Variants in SRPK2 observed in about 807,000 individuals in gnomAD.
The protein encoded by SRPK2 is SFRS protein kinase 2.
In SRPK2, 21 loss-of-function variants were observed where a neutral mutation model predicts 90.8. That is an observed-to-expected ratio of 0.23 (90% CI 0.16 to 0.33). The LOEUF (loss-of-function observed/expected upper bound fraction) is 0.33. Among genes scored for constraint, SRPK2 ranks in the 10% least tolerant of loss-of-function variants. The pLI, the probability that SRPK2 is intolerant of heterozygous loss-of-function variation, is 1.00. For synonymous variants in SRPK2, 288 were observed against 311.1 expected (o/e 0.93, Z 0.78); for missense variants, 620 against 869.0 (o/e 0.71, Z 3.60).
At chr7:105,382,608 T>C (rs1015173344) in intron 2 of SRPK2, among the ~76,000 whole-genome samples, 3 of 135,848 alleles carry the variant, frequency 2.2e-5, no homozygotes, top group Non-Finnish European at 1.6e-5. Flanking sequence ...GGCAACAACA[T>C]GGATGAATCT....
intron 2 of SRPK2, among the ~76,000 whole-genome samples, chr7:105,363,592 A>T (rs1818685982): frequency 6.6e-6 from 1 of 152,220 alleles, no homozygotes; most frequent in South Asian, 2.1e-4. Flanking sequence ...AGTGTAAATT[A>T]GTTCAACCCT....
At chr7:105,170,969 G>GA in intron 3 of SRPK2, among the ~76,000 whole-genome samples, 1 of 51,142 alleles carries the variant, frequency 2.0e-5, no homozygotes, top group East Asian at 3.8e-4. Context: ...GAAAGAAAGA[G>GA]AAAGAAAGAG....
At chr7:105,185,553 T>C (rs906301684) in intron 3 of SRPK2, among the ~76,000 whole-genome samples, 1 of 151,896 alleles carries the variant, frequency 6.6e-6, no homozygotes, top group Non-Finnish European at 1.5e-5. Flanking sequence ...TGTCAAAAAA[T>C]AATAATAATA....
rs894105470 is a variant in SRPK2, at chr7:105,358,323, GTATGT to G, written c.71+30320_71+30324del. Among the ~76,000 whole-genome samples, 4 of 150,218 alleles carry G rather than the reference GTATGT, an allele frequency of 2.7e-5. No individual in the cohort carries two copies. The South Asian group carries it at 8.5e-4, about 32-fold the overall frequency. On this transcript the variant is annotated intron_variant, in intron 2 of 15. Coordinates refer to ENST00000393651, the MANE Select transcript of SRPK2 (RefSeq NM_182692.3). Reference sequence around the variant, plus strand: ...ATAAACAGTAGATAACACACATTTTGTATGTTATATGTATTATACACAATATTCCT... The same window carrying G: ...ATAAACAGTAGATAACACACATTTTGTATATGTATTATACACAATATTCCT...
chr7:105,212,831 A>T (rs1173162246), intron 2 of SRPK2, among the ~76,000 whole-genome samples: 1 of 152,246 alleles, frequency 6.6e-6, no homozygotes, highest in African/African-American at 2.4e-5. Flanking sequence ...TTCCGCATCC[A>T]TGGATTCAAA....
chr7:105,320,115 A>G (rs919928779), intron 2 of SRPK2, among the ~76,000 whole-genome samples: 4 of 152,326 alleles, frequency 2.6e-5, no homozygotes, highest in African/African-American at 9.6e-5. Context: ...TGCATTGTCT[A>G]CAGGTTGATT....
rs1195712861 is a variant in SRPK2, at chr7:105,170,895, GAA to G, written c.230-1632_230-1631del. 1.9e-3 allele frequency among the ~76,000 whole-genome samples: 143 copies of G among 74,918 alleles called. 1 individual carries two copies. Among genetic ancestry groups the G allele is most frequent in the Middle Eastern group, 6.2e-3 (1 of 162 alleles). 49.1% of individuals were successfully genotyped at this position (74,918 alleles called of 152,430 possible). A position where few individuals can be genotyped will look rare whatever the true frequency, so the allele number is the denominator to read the frequency against. On this transcript the variant is annotated intron_variant, in intron 3 of 15. Coordinates refer to ENST00000393651, the MANE Select transcript of SRPK2 (RefSeq NM_182692.3). ...AGAAAGAAAGAAAGAAAGAAAGAAA[GAA>G]AGAAAGAAAGAAAGAAAGGAGAAAG...
At chr7:105,147,079 T>C (rs968791015) in intron 7 of SRPK2, among the ~76,000 whole-genome samples, 1 of 152,218 alleles carries the variant, frequency 6.6e-6, no homozygotes, top group South Asian at 2.1e-4. Flanking sequence ...ACTTAATGAA[T>C]AGTAAGTATA....
chr7:105,299,799 C>T (rs754394876), intron 2 of SRPK2, among the ~76,000 whole-genome samples: 4 of 152,136 alleles, frequency 2.6e-5, no homozygotes, highest in Non-Finnish European at 5.9e-5. Flanking sequence ...GAGGCTGAGG[C>T]AGGAGAATCG....
At chr7:105,387,142 A>C (rs1821704828) in intron 2 of SRPK2, among the ~76,000 whole-genome samples, 1 of 152,220 alleles carries the variant, frequency 6.6e-6, no homozygotes, top group Non-Finnish European at 1.5e-5. Context: ...ATACATGCAC[A>C]CATAGCCATC....
chr7:105,144,554 T>C (rs759087140), intron 9 of SRPK2, among the ~76,000 whole-genome samples: 5 of 152,014 alleles, frequency 3.3e-5, no homozygotes, highest in African/African-American at 4.8e-5. Flanking sequence ...AATAAGGACA[T>C]AGTGTTTTGA....
At chr7:105,255,212 C>T (rs1322007323) in intron 2 of SRPK2, among the ~76,000 whole-genome samples, 1 of 146,710 alleles carries the variant, frequency 6.8e-6, no homozygotes, top group Non-Finnish European at 1.5e-5. Flanking sequence ...AATATTGTTT[C>T]TCCTTACAGA....
upstream of SRPK2, chr7:105,389,428 A>C (rs1274119633): frequency 4.2e-6 from 5 of 1,202,788 alleles, no homozygotes; most frequent in African/African-American, 1.6e-5. Context: ...AAAAGCTGGG[A>C]AACCTGGGTC....
intron 2 of SRPK2, among the ~76,000 whole-genome samples, chr7:105,288,160 G>C (rs1416438266): frequency 6.6e-6 from 1 of 152,178 alleles, no homozygotes. Flanking sequence ...TATGGAAGTT[G>C]TACAACTGGC....
chr7:105,161,360 A>G (rs1455244740), intron 6 of SRPK2, among the ~76,000 whole-genome samples: 1 of 152,138 alleles, frequency 6.6e-6, no homozygotes, highest in African/African-American at 2.4e-5. Flanking sequence ...TTTTCATCCA[A>G]CGTTTATTAA....
chr7:105,310,162 G>A (rs1212112284), intron 2 of SRPK2, among the ~76,000 whole-genome samples: 3 of 152,198 alleles, frequency 2.0e-5, no homozygotes, highest in Non-Finnish European at 4.4e-5. Context: ...ATGAGCCTGG[G>A]AGGAATACTG....
chr7:105,259,375 A>G (rs1162457201), intron 2 of SRPK2, among the ~76,000 whole-genome samples: 1 of 152,244 alleles, frequency 6.6e-6, no homozygotes, highest in African/African-American at 2.4e-5. Context: ...GCTGAATGAA[A>G]TAAAAGAGGA....
At chr7:105,365,707 G>A (rs1403747028) in intron 2 of SRPK2, among the ~76,000 whole-genome samples, 1 of 151,660 alleles carries the variant, frequency 6.6e-6, no homozygotes, top group African/African-American at 2.4e-5. Context: ...ACTGAGATGG[G>A]AGGATCATGT....
chr7:105,316,640 A>G (rs555027981), intron 2 of SRPK2, among the ~76,000 whole-genome samples: 1 of 152,192 alleles, frequency 6.6e-6, no homozygotes, highest in African/African-American at 2.4e-5. Flanking sequence ...TACTGTTCTA[A>G]TTAGAAAAGG....
Sources: allele counts gnomAD v4.1 joint callset (sites outside exome capture counted in the v4.1 genomes callset), GRCh38; gene constraint gnomAD v4.1.1; transcripts MANE v1.5; gene names NCBI Gene and HGNC (gene_info 2026-07-23, HGNC 2026-07-21).